PARN: variants seen among roughly 807,000 people sequenced by gnomAD.
PARN encodes the protein poly(A)-specific ribonuclease PARN.
Under a neutral mutation model 102.8 loss-of-function variants are expected in PARN, and 71 were observed. The observed-to-expected ratio is 0.69, with a 90% CI of 0.57 to 0.84. The LOEUF is 0.84. PARN is among the 40% of genes least tolerant of loss of function. The pLI, the probability that PARN is intolerant of heterozygous loss-of-function variation, is 0.00. For synonymous variants in PARN, 261 were observed against 252.9 expected (o/e 1.03, Z -0.30); for missense variants, 782 against 760.9 (o/e 1.03, Z -0.33).
chr16:14,457,947 TGA>T (rs909541843), intron 22 of PARN, among the ~76,000 whole-genome samples: 5 of 150,264 alleles, frequency 3.3e-5, no homozygotes, highest in East Asian at 1.9e-4. Flanking sequence ...TGTGTGTGTG[TGA>T]GAGAGAGAGA....
chr16:14,518,427 T>C (rs1965569627), intron 21 of PARN, among the ~76,000 whole-genome samples: 1 of 151,814 alleles, frequency 6.6e-6, no homozygotes, highest in South Asian at 2.1e-4. Context: ...TTAATTTATG[T>C]GTTAAAATTT....
chr16:14,593,230 G>C (rs1970302898), intron 13 of PARN, 71 bp downstream of exon 13: 2 of 838,966 alleles, frequency 2.4e-6, no homozygotes, highest in Non-Finnish European at 4.1e-6. Context: ...TCAGTTAAAA[G>C]CATCATAATA....
At chr16:14,509,449 G>A (rs1433374407) in intron 21 of PARN, among the ~76,000 whole-genome samples, 1 of 152,108 alleles carries the variant, frequency 6.6e-6, no homozygotes, top group Non-Finnish European at 1.5e-5. Flanking sequence ...TTTTTTCTTT[G>A]GCTAACAGTT....
At chr16:14,557,932 G>A (rs1967800741) in intron 18 of PARN, among the ~76,000 whole-genome samples, 1 of 152,044 alleles carries the variant, frequency 6.6e-6, no homozygotes. Context: ...ATACACACTG[G>A]AACTATCATT....
chr16:14,541,629 C>T (rs1314857026), intron 21 of PARN, among the ~76,000 whole-genome samples: 1 of 151,938 alleles, frequency 6.6e-6, no homozygotes. Context: ...GTACATGCTA[C>T]CATGTCCAGA....
chr16:14,542,143 T>C (rs892900594), intron 21 of PARN, among the ~76,000 whole-genome samples: 1 of 151,962 alleles, frequency 6.6e-6, no homozygotes, highest in African/African-American at 2.4e-5. Flanking sequence ...TAGCTGGGAC[T>C]ACAGGTACAT....
Position 14,609,085 on chromosome 16 carries a change from T to C in PARN, c.593A>G (p.Lys198Arg). 1 of 1,577,408 alleles carries C rather than the reference T, an allele frequency of 6.3e-7. No individual in the cohort carries two copies. The highest frequency in any genetic ancestry group is 1.1e-5 in the South Asian group (1 of 87,774). Residue 198 changes from lysine (K) to arginine (R), a missense_variant, in exon 8 of 24, where the codon AAG becomes AGG. Physicochemically the swap from Lys to Arg is conservative, Grantham distance 26. Coordinates refer to ENST00000437198, the MANE Select transcript of PARN (RefSeq NM_002582.4). ...IEDLLQSEEN[K>R]NLDLEPCTGF... The stretch of plus-strand genomic sequence containing the variant: ...GGTACATGGCTCTAAATCCAAGTTC[T>C]TGTTTTCTTCACTTTGTAATAAATC...
chr16:14,499,334 G>A (rs183510197), intron 21 of PARN, among the ~76,000 whole-genome samples: 1 of 152,306 alleles, frequency 6.6e-6, no homozygotes, highest in East Asian at 1.9e-4. Flanking sequence ...GAGGGAGAGA[G>A]CGGGACAGAG....
At chr16:14,518,769 A>T (rs1475893644) in intron 21 of PARN, among the ~76,000 whole-genome samples, 1 of 152,212 alleles carries the variant, frequency 6.6e-6, no homozygotes, top group African/African-American at 2.4e-5. Context: ...TTGTCTTTTA[A>T]ATTTGACTTT....
At chr16:14,568,028 A>G (rs959638822) in intron 18 of PARN, among the ~76,000 whole-genome samples, 3 of 152,044 alleles carry the variant, frequency 2.0e-5, no homozygotes, top group Admixed American at 6.6e-5. Flanking sequence ...ACACAGAGAG[A>G]CTGTCACCCA....
rs775224304 is a variant in PARN at position 14,435,716 on chromosome 16, T to C, written c.*1001A>G. The C allele has an allele frequency of 8.5e-5, 13 of 152,128 alleles. No individual in the cohort carries two copies. The highest frequency in any genetic ancestry group is 1.8e-4 in the Non-Finnish European group (12 of 68,018). 9.4% of individuals were successfully genotyped at this position (152,128 alleles called of 1,614,324 possible). A position where few individuals can be genotyped will look rare whatever the true frequency, so the allele number is the denominator to read the frequency against. ...AAAACCAGAGTCCTATGAAAATGTT[T>C]TTAATTTTCATCTTTTGGAAATACA... On this transcript the variant is annotated 3_prime_UTR_variant, in exon 24 of 24. Coordinates refer to ENST00000437198, the MANE Select transcript of PARN (RefSeq NM_002582.4).
chr16:14,606,022 G>A (rs961344446), intron 10 of PARN, among the ~76,000 whole-genome samples: 1 of 152,136 alleles, frequency 6.6e-6, no homozygotes, highest in African/African-American at 2.4e-5. Flanking sequence ...ATGTACAGAA[G>A]AAAATTAGGC....
intron 6 of PARN, among the ~76,000 whole-genome samples, chr16:14,613,341 G>A (rs1334444078): frequency 6.7e-6 from 1 of 150,372 alleles, no homozygotes; most frequent in Non-Finnish European, 1.5e-5. Context: ...CACCATGGGA[G>A]GCCGGGCGCC....
At chr16:14,624,013 C>G (rs1972485167) in intron 5 of PARN, among the ~76,000 whole-genome samples, 1 of 152,158 alleles carries the variant, frequency 6.6e-6, no homozygotes. Context: ...AAATGTCATG[C>G]TATGCTGACT....
chr16:14,598,244 C>G lies in PARN; in HGVS notation c.840+1660G>C, dbSNP rs146019757. Among the ~76,000 whole-genome samples, 4 of 152,064 alleles carry G rather than the reference C, an allele frequency of 2.6e-5. No individual in the cohort carries two copies. In the East Asian group the frequency reaches 7.7e-4, roughly 29 times the overall value. Reference sequence around the variant, plus strand: ...ACTCAAAAATTTTAAATGTCCGGATCGCTAATAAACAGGGCTTTTTGGTAG... The same window carrying G: ...ACTCAAAAATTTTAAATGTCCGGATGGCTAATAAACAGGGCTTTTTGGTAG... On this transcript the variant is annotated intron_variant, in intron 12 of 23. Transcript: ENST00000437198.
intron 22 of PARN, among the ~76,000 whole-genome samples, chr16:14,472,450 G>A (rs73523486): frequency 0.25 from 37,519 of 152,040 alleles, 4,852 homozygotes; most frequent in Middle Eastern, 0.3. Flanking sequence ...ACTTATTAAA[G>A]TAAATAATTT....
At chr16:14,451,869 C>CAAAAAAAAAAAAAAAAAAAAAAAAAAA (rs869041563) in intron 22 of PARN, among the ~76,000 whole-genome samples, 69 of 52,492 alleles carry the variant, frequency 1.3e-3, no homozygotes, top group African/African-American at 1.9e-3. Flanking sequence ...AAAAAAAATA[C>CAAAAAAAAAAAAAAAAAAAAAAAAAAA]AAAAAAAAAA....
intron 12 of PARN, among the ~76,000 whole-genome samples, chr16:14,598,635 G>A (rs1419103365): frequency 2.0e-5 from 3 of 152,076 alleles, no homozygotes; most frequent in African/African-American, 4.8e-5. Flanking sequence ...GTTTCTCTCC[G>A]GATCTTTCCA....
At chr16:14,569,326 C>CCTTTCT (rs530010331) in intron 18 of PARN, among the ~76,000 whole-genome samples, 27 of 152,268 alleles carry the variant, frequency 1.8e-4, no homozygotes, top group Admixed American at 6.5e-4. Context: ...TAACAACCAC[C>CCTTTCT]CTTTCTGCAC....
Sources: gnomAD v4.1 joint callset for allele counts (sites outside exome capture counted in the v4.1 genomes callset) on GRCh38, gnomAD v4.1.1 for gene constraint, MANE v1.5 for transcripts, NCBI Gene and HGNC (gene_info 2026-07-23, HGNC 2026-07-21) for gene names.